Variants in INA observed in about 807,000 individuals in gnomAD.
INA encodes alpha-internexin.
Under a neutral mutation model 40.1 loss-of-function variants are expected in INA, and 35 were observed. That is an observed-to-expected ratio of 0.87 (90% CI 0.67 to 1.16). INA has a LOEUF of 1.16. INA is among the 50% of genes most tolerant of loss of function. The pLI is 0.00. For synonymous variants in INA, 290 were observed against 316.9 expected (o/e 0.92, Z 0.90); for missense variants, 594 against 686.7 (o/e 0.87, Z 1.51).
chr10:103,277,448 G>C lies in INA; in HGVS notation c.237G>C (p.Gln79His). Residue 79 changes from glutamine (Q) to histidine (H), a missense_variant, in exon 1 of 3, where the codon CAG (glutamine) becomes CAC (histidine). Coordinates refer to ENST00000369849, the MANE Select transcript of INA (RefSeq NM_032727.4). The surrounding 1 kb of genome is among the most constrained non-coding windows in gnomAD (Gnocchi z 5.6). Reference sequence around the variant, plus strand: ...CGTCCGACGGGCTGGACCTGAGCCAGGCGGCGGCGCGCACCAACGAGTACA... The same window carrying C: ...CGTCCGACGGGCTGGACCTGAGCCACGCGGCGGCGCGCACCAACGAGTACA... ...PPASDGLDLSQAAARTNEYKI... is the reference protein window; with the variant it reads ...PPASDGLDLSHAAARTNEYKI... The C allele has an allele frequency of 6.4e-7, 1 of 1,574,104 alleles. No homozygotes were observed. Among genetic ancestry groups the C allele is most frequent in the Non-Finnish European group, 8.6e-7 (1 of 1,164,158 alleles).
intron 1 of INA, among the ~76,000 whole-genome samples, chr10:103,282,679 T>TA (rs1414946682): frequency 2.0e-5 from 3 of 152,210 alleles, no homozygotes; most frequent in African/African-American, 7.2e-5. Context: ...GGCATTATGT[T>TA]TAGTGTCCTG....
chr10:103,287,265 A>C lies in INA; in HGVS notation c.1190+106A>C, dbSNP rs1279976679. The C allele has an allele frequency of 2.5e-5, 32 of 1,279,754 alleles. No individual in the cohort carries two copies. In the Admixed American group the frequency reaches 3.2e-4, roughly 13 times the overall value. 79.3% of individuals were successfully genotyped at this position (1,279,754 alleles called of 1,614,324 possible). A position where few individuals can be genotyped will look rare whatever the true frequency, so the allele number is the denominator to read the frequency against. On this transcript the variant is annotated intron_variant, in intron 2 of 2. Coordinates refer to ENST00000369849, the MANE Select transcript of INA (RefSeq NM_032727.4). ...TGGCTTCTGACTGGTGAGGGAGGGAAGAAGGGCATCACTGGCCCCTTTCAG... is the reference window on the plus strand; with the variant it reads ...TGGCTTCTGACTGGTGAGGGAGGGACGAAGGGCATCACTGGCCCCTTTCAG...
intron 1 of INA, among the ~76,000 whole-genome samples, chr10:103,282,442 G>A (rs1364324600): frequency 6.6e-6 from 1 of 152,166 alleles, no homozygotes; most frequent in Admixed American, 6.5e-5. Flanking sequence ...GCAAGATGGA[G>A]AATGGGGACC....
chr10:103,287,228 A>C (rs1592045077), intron 2 of INA, 69 bp downstream of exon 2: 1 of 1,526,862 alleles, frequency 6.5e-7, no homozygotes, highest in East Asian at 2.3e-5. Flanking sequence ...AAATAAGTGG[A>C]TCTAGTCTCT....
At chr10:103,282,571 G>A (rs890869706) in intron 1 of INA, among the ~76,000 whole-genome samples, 1 of 152,080 alleles carries the variant, frequency 6.6e-6, no homozygotes, top group Non-Finnish European at 1.5e-5. Flanking sequence ...ATTTAGGGTA[G>A]AATTAAACAG....
chr10:103,277,911 G>T lies in INA; in HGVS notation c.700G>T (p.Glu234Ter), dbSNP rs1475785260. 6.4e-7 allele frequency: 1 copy of T among 1,551,024 alleles called. No individual in the cohort carries two copies. The highest frequency in any genetic ancestry group is 8.7e-7 in the Non-Finnish European group (1 of 1,147,208). ...LAFVRQVHDEEVAELLATLQA... is the reference protein window; with the variant it reads ...LAFVRQVHDE Reference sequence around the variant, plus strand: ...CTTCGTACGCCAGGTGCACGACGAGGAGGTAGCCGAGCTGCTGGCCACGCT... The same window carrying T: ...CTTCGTACGCCAGGTGCACGACGAGTAGGTAGCCGAGCTGCTGGCCACGCT... The change falls in exon 1 of 3, where the codon GAG becomes TAG. Residue 234 changes from glutamate to a stop codon, truncating the protein, a stop_gained. Coordinates refer to ENST00000369849, the MANE Select transcript of INA (RefSeq NM_032727.4). LOFTEE classifies it high-confidence loss of function. The surrounding 1 kb of genome is among the most constrained non-coding windows in gnomAD (Gnocchi z 5.6).
In INA at chr10:103,289,269, C is replaced by T. The variant is rs754083086; in HGVS notation, c.*600C>T. ...CACATTTTGGTTCTTCTCAAAAGAA[C>T]TTACCCCCATTCGCGCTCTGCTCAG... is the stretch of plus-strand genomic sequence containing the variant. On this transcript the variant is annotated 3_prime_UTR_variant, in exon 3 of 3. Coordinates refer to ENST00000369849, the MANE Select transcript of INA (RefSeq NM_032727.4). The T allele has an allele frequency of 3.3e-5, 5 of 152,650 alleles. No homozygotes were observed. Among genetic ancestry groups the T allele is most frequent in the Non-Finnish European group, 7.3e-5 (5 of 68,064 alleles). 9.5% of individuals were successfully genotyped at this position (152,650 alleles called of 1,614,324 possible).
At position 103,277,629 on chromosome 10, in the gene INA, G is replaced by C; in HGVS notation, c.418G>C (p.Gly140Arg). The C allele has an allele frequency of 1.4e-6, 2 of 1,473,168 alleles. No homozygotes were observed. Among genetic ancestry groups the C allele is most frequent in the Non-Finnish European group, 8.9e-7 (1 of 1,117,690 alleles). The allele number at this position is 1,473,168 out of a possible 1,614,324, so 91.3% of individuals were successfully genotyped here. ...RQRHAEPSRV[G>R]ELFQRELRDL... The stretch of plus-strand genomic sequence containing the variant: ...GCGCCACGCTGAGCCGTCGCGCGTC[G>C]GCGAGCTCTTCCAGCGCGAGCTGCG... The change falls in exon 1 of 3, where the codon GGC becomes CGC. Residue 140 changes from glycine (G) to arginine (R), a missense_variant. This residue lies in a region of INA where 379 missense variants were observed against 496.1 expected (regional missense o/e 0.76). Coordinates refer to ENST00000369849, the MANE Select transcript of INA (RefSeq NM_032727.4). The surrounding 1 kb of genome is among the most constrained non-coding windows in gnomAD (Gnocchi z 5.6).
In INA at chr10:103,287,311, C is replaced by T. The variant is rs887874140; in HGVS notation, c.1190+152C>T. 3 of 735,336 alleles carry T rather than the reference C, an allele frequency of 4.1e-6. No individual in the cohort carries two copies. In the African/African-American group the frequency reaches 5.3e-5, roughly 13 times the overall value. The allele number at this position is 735,336 out of a possible 1,614,324, so 45.6% of individuals were successfully genotyped here. A position where few individuals can be genotyped will look rare whatever the true frequency, so the allele number is the denominator to read the frequency against. On this transcript the variant is annotated intron_variant, in intron 2 of 2. Transcript: ENST00000369849. ...TTCAGGTGAGCTGACTGCTCTGTCC[C>T]TCTACTTAGATATAATCCAGCTCCA...
At chr10:103,281,699 C>T (rs1022250578) in intron 1 of INA, among the ~76,000 whole-genome samples, 3 of 152,228 alleles carry the variant, frequency 2.0e-5, no homozygotes, top group Non-Finnish European at 4.4e-5. Context: ...CTGTGGGGCA[C>T]TCACTACTGC....
intron 1 of INA, chr10:103,280,302 G>C (rs1349975848): frequency 1.0e-6 from 1 of 985,290 alleles, no homozygotes; most frequent in East Asian, 1.1e-4. Context: ...CAGAGAGCTG[G>C]TTCCCTACTC....
At chr10:103,280,138 G>C (rs1168467573) in intron 1 of INA, 2 of 985,288 alleles carry the variant, frequency 2.0e-6, no homozygotes, top group East Asian at 2.3e-4. Context: ...ATTAGACAAT[G>C]GTAGCGTCAT....
At chr10:103,287,265 A>G (rs1279976679) in intron 2 of INA, 106 bp downstream of exon 2, 1 of 1,279,872 alleles carries the variant, frequency 7.8e-7, no homozygotes, top group Non-Finnish European at 1.1e-6. Flanking sequence ...GAGGGAGGGA[A>G]GAAGGGCATC....
At chr10:103,286,294 C>T (rs2093085746) in intron 1 of INA, among the ~76,000 whole-genome samples, 1 of 145,334 alleles carries the variant, frequency 6.9e-6, no homozygotes, top group South Asian at 2.2e-4. Flanking sequence ...TGTGATCACA[C>T]CACTGTACTC....
At position 103,277,163 on chromosome 10, in the gene INA, C is replaced by A. The variant is rs950758638; in HGVS notation, c.-49C>A. The A allele has an allele frequency of 2.0e-6, 3 of 1,526,502 alleles. No homozygotes were observed. The highest frequency in any genetic ancestry group is 2.9e-5 in the African/African-American group (2 of 69,146). The allele number at this position is 1,526,502 out of a possible 1,614,324, so 94.6% of individuals were successfully genotyped here. A position where few individuals can be genotyped will look rare whatever the true frequency, so the allele number is the denominator to read the frequency against. On this transcript the variant is annotated 5_prime_UTR_variant, in exon 1 of 3. Transcript: ENST00000369849. This position sits in a 1 kb window ranked among gnomAD's most constrained non-coding sequence, Gnocchi z 5.6. The stretch of plus-strand genomic sequence containing the variant: ...GCCCTGCCTGCCGCACCTCTCCTTT[C>A]TTCTGTAGCTCGCGTTGAAGCCGCA...
Position 103,278,042 on chromosome 10 carries a change from T to A in INA, c.831T>A (p.Ala277=). 6.2e-7 allele frequency: 1 copy of A among 1,613,162 alleles called. No individual in the cohort carries two copies. The highest frequency in any genetic ancestry group is 8.5e-7 in the Non-Finnish European group (1 of 1,179,696). ...GCGCCCAGTATGAGTCCCTGGCCGC[T>A]AAGAACCTGCAGTCCGCGGAAGAAT... ...EIRAQYESLA[A]KNLQSAEEWY... Residue 277 remains alanine, a synonymous_variant, in exon 1 of 3, where the codon GCT becomes GCA. Transcript: ENST00000369849. This position sits in a 1 kb window ranked among gnomAD's most constrained non-coding sequence, Gnocchi z 4.9.
At chr10:103,284,314 A>G (rs944144135) in intron 1 of INA, among the ~76,000 whole-genome samples, 1 of 152,162 alleles carries the variant, frequency 6.6e-6, no homozygotes, top group African/African-American at 2.4e-5. Flanking sequence ...AGAGGGAAGT[A>G]TGTGCTTCTG....
At position 103,277,749 on chromosome 10, in the gene INA, G is replaced by GCGCGCTGCGAGGAGGAGAGCCGCGGA; in HGVS notation, c.543_568dup (p.Glu190AlafsTer16). On this transcript the variant is annotated frameshift_variant, in exon 1 of 3. Transcript: ENST00000369849. LOFTEE classifies it high-confidence loss of function. The surrounding 1 kb of genome is among the most constrained non-coding windows in gnomAD (Gnocchi z 5.6). ...GGCGGAGGAGGTGCAGCGGCTGCGG[G>GCGCGCTGCGAGGAGGAGAGCCGCGGA]CGCGCTGCGAGGAGGAGAGCCGCGG... The GCGCGCTGCGAGGAGGAGAGCCGCGGA allele has an allele frequency of 7.0e-7, 1 of 1,427,178 alleles. No individual in the cohort carries two copies. The highest frequency in any genetic ancestry group is 1.5e-5 in the South Asian group (1 of 65,982). 88.4% of individuals were successfully genotyped at this position (1,427,178 alleles called of 1,614,324 possible).
intron 1 of INA, among the ~76,000 whole-genome samples, chr10:103,286,747 C>G (rs532927400): frequency 6.6e-6 from 1 of 151,900 alleles, no homozygotes; most frequent in Non-Finnish European, 1.5e-5. Context: ...TGCCGTGTGG[C>G]TATCCTGAAA....
Sources: gnomAD v4.1 joint callset for allele counts (sites outside exome capture counted in the v4.1 genomes callset) on GRCh38, gnomAD v4.1.1 for gene constraint, gnomAD v4.1.1 regional missense constraint, Gnocchi (gnomAD v3.1) non-coding constraint, MANE v1.5 for transcripts, NCBI Gene and HGNC (gene_info 2026-07-23, HGNC 2026-07-21) for gene names.